Variants in SLC24A2 observed in about 807,000 individuals in gnomAD.
SLC24A2 encodes sodium/potassium/calcium exchanger 2.
In SLC24A2, 36 loss-of-function variants were observed where a neutral mutation model predicts 62.0. That is an observed-to-expected ratio of 0.58 (90% confidence interval 0.44 to 0.77). SLC24A2 has a LOEUF of 0.77. Among genes scored for constraint, SLC24A2 ranks in the 30% least tolerant of loss-of-function variants. The probability of loss-of-function intolerance (pLI) is 0.00; values close to 1 mark genes in which losing one functional copy is unlikely to be tolerated. For missense variants in SLC24A2, 846 were observed against 817.9 expected, an observed-to-expected ratio of 1.03 and a Z score of -0.42; for synonymous variants, 358 against 294.0, an observed-to-expected ratio of 1.22 and a Z score of -2.23.
intron 4 of SLC24A2, among the ~76,000 whole-genome samples, chr9:19,613,453 G>T (rs1412730804): frequency 6.6e-6 from 1 of 152,166 alleles, no homozygotes; most frequent in Non-Finnish European, 1.5e-5. Flanking sequence ...GGACATGAAG[G>T]TGGAGAGAGG....
chr9:19,682,418 G>T (rs1819749598), intron 2 of SLC24A2, among the ~76,000 whole-genome samples: 1 of 152,086 alleles, frequency 6.6e-6, no homozygotes, highest in Non-Finnish European at 1.5e-5. Context: ...CAGGAATAAA[G>T]ATGCCAGCAA....
At chr9:20,250,018 T>C in the SLC24A2 span, among the ~76,000 whole-genome samples, 2 of 152,190 alleles carry the variant, frequency 1.3e-5, no homozygotes, top group African/African-American at 4.8e-5. Context: ...AGGAACTAAT[T>C]TTCAATTTTT....
chr9:20,199,255 A>G, the SLC24A2 span, among the ~76,000 whole-genome samples: 14 of 152,260 alleles, frequency 9.2e-5, no homozygotes, highest in African/African-American at 2.9e-4. Context: ...CAGGCGGGAT[A>G]GAGTCCAGTC....
intron 2 of SLC24A2, among the ~76,000 whole-genome samples, chr9:19,744,284 T>C (rs1357480121): frequency 6.6e-6 from 1 of 152,182 alleles, no homozygotes; most frequent in Non-Finnish European, 1.5e-5. Flanking sequence ...TATCTAGGGA[T>C]GGATGTTCCC....
intron 2 of SLC24A2, among the ~76,000 whole-genome samples, chr9:19,636,322 T>TCC (rs1554690373): frequency 2.3e-4 from 7 of 30,562 alleles, no homozygotes; most frequent in African/African-American, 8.5e-4. Context: ...TTCTTTTCTT[T>TCC]CTTTCTTTCT....
chr9:19,681,947 A>C (rs1819735021), intron 2 of SLC24A2, among the ~76,000 whole-genome samples: 1 of 152,172 alleles, frequency 6.6e-6, no homozygotes, highest in Non-Finnish European at 1.5e-5. Context: ...AGTTTGCAGA[A>C]ACAACTCCTT....
At chr9:19,906,540 C>G in the SLC24A2 span, among the ~76,000 whole-genome samples, 2 of 152,058 alleles carry the variant, frequency 1.3e-5, no homozygotes, top group Non-Finnish European at 2.9e-5. Flanking sequence ...AATCCAGGAG[C>G]TGGTTTTTTG....
chr9:19,553,400 A>G (rs575770505), intron 7 of SLC24A2, among the ~76,000 whole-genome samples: 8 of 152,204 alleles, frequency 5.3e-5, no homozygotes, highest in South Asian at 2.1e-4. Flanking sequence ...AAACAAAACA[A>G]AGCAAAATGG....
chr9:20,218,945 AT>A, the SLC24A2 span, among the ~76,000 whole-genome samples: 1 of 152,164 alleles, frequency 6.6e-6, no homozygotes, highest in African/African-American at 2.4e-5. Flanking sequence ...GATTTTGTGT[AT>A]GCAGCAATCC....
In SLC24A2 at chr9:19,604,792, A is replaced by G. The variant is rs577621911; in HGVS notation, c.1079-7513T>C. Among the ~76,000 whole-genome samples the G allele has an allele frequency of 6.6e-5, 10 of 152,362 alleles. No homozygotes were observed. The South Asian group carries it at 2.1e-3, about 32-fold the overall frequency. Reference sequence around the variant, plus strand: ...ATGCCACTGATGTGACAGTAATTCAAGGTAAAAATCCTCCTTACAATGATA... The same window carrying G: ...ATGCCACTGATGTGACAGTAATTCAGGGTAAAAATCCTCCTTACAATGATA... On this transcript the variant is annotated intron_variant, in intron 4 of 10. Coordinates refer to ENST00000341998, the MANE Select transcript of SLC24A2 (RefSeq NM_020344.4).
At chr9:20,014,868 C>T in the SLC24A2 span, among the ~76,000 whole-genome samples, 1 of 152,152 alleles carries the variant, frequency 6.6e-6, no homozygotes, top group Non-Finnish European at 1.5e-5. Context: ...TTCAAAATAA[C>T]AGAGATTATT....
the SLC24A2 span, among the ~76,000 whole-genome samples, chr9:20,257,339 G>A: frequency 6.6e-6 from 1 of 152,138 alleles, no homozygotes; most frequent in Non-Finnish European, 1.5e-5. Flanking sequence ...GAAACATCAA[G>A]GTCCTGAGTT....
chr9:19,608,940 G>A (rs529858079), intron 4 of SLC24A2, among the ~76,000 whole-genome samples: 115 of 152,328 alleles, frequency 7.5e-4, no homozygotes, highest in Admixed American at 1.2e-3. Flanking sequence ...ACAATACATA[G>A]TTTGGGGTTT....
intron 2 of SLC24A2, among the ~76,000 whole-genome samples, chr9:19,781,175 A>C (rs1026260661): frequency 6.6e-6 from 1 of 152,252 alleles, no homozygotes; most frequent in African/African-American, 2.4e-5. Flanking sequence ...TGAAAATAAA[A>C]GGATGGAAAA....
chr9:20,098,321 T>G, the SLC24A2 span, among the ~76,000 whole-genome samples: 443 of 152,146 alleles, frequency 2.9e-3, 1 homozygote, highest in African/African-American at 0.01. Flanking sequence ...ATAAGATGAG[T>G]GGGGAGGTCT....
the SLC24A2 span, among the ~76,000 whole-genome samples, chr9:19,994,466 T>G: frequency 6.6e-5 from 10 of 152,292 alleles, no homozygotes; most frequent in East Asian, 1.9e-3. Flanking sequence ...TATGTCCCAA[T>G]GTGTTGGGCA....
At chr9:20,062,576 C>A in the SLC24A2 span, among the ~76,000 whole-genome samples, 1 of 143,070 alleles carries the variant, frequency 7.0e-6, no homozygotes, top group Non-Finnish European at 1.5e-5. Context: ...AGGACATAGG[C>A]ATGGGCAAGG....
the SLC24A2 span, chr9:19,895,759 T>G: frequency 3.7e-5 from 57 of 1,538,956 alleles, no homozygotes; most frequent in Non-Finnish European, 4.8e-5. Flanking sequence ...GGCGGCCCAG[T>G]CCCACCCTCC....
intron 2 of SLC24A2, among the ~76,000 whole-genome samples, chr9:19,777,749 G>A (rs1587312737): frequency 6.6e-6 from 1 of 152,222 alleles, no homozygotes; most frequent in East Asian, 1.9e-4. Flanking sequence ...ATGTGTATAT[G>A]AGAAGTTCAG....
Sources: allele counts gnomAD v4.1 joint callset (sites outside exome capture counted in the v4.1 genomes callset), GRCh38; gene constraint gnomAD v4.1.1; transcripts MANE v1.5; gene names NCBI Gene and HGNC (gene_info 2026-07-23, HGNC 2026-07-21).